The following GALNT13 variants were observed in gnomAD, a reference collection of about 807,000 sequenced individuals.
The protein encoded by GALNT13 is polypeptide N-acetylgalactosaminyltransferase 13.
GALNT13 carries 28 observed loss-of-function variants against 64.2 expected under a neutral mutation model. The observed-to-expected ratio is 0.44, with a 90% CI of 0.32 to 0.60. The LOEUF (loss-of-function observed/expected upper bound fraction) is 0.60, where lower values mean the gene tolerates loss of function less well. Among genes scored for constraint, GALNT13 ranks in the 20% least tolerant of loss-of-function variants. The probability of loss-of-function intolerance (pLI) is 0.05; values close to 1 mark genes in which losing one functional copy is unlikely to be tolerated. For synonymous variants in GALNT13, 214 were observed against 224.6 expected, an observed-to-expected ratio of 0.95 and a Z score of 0.42; for missense variants, 577 against 669.8, an observed-to-expected ratio of 0.86 and a Z score of 1.53.
intron 11 of GALNT13, among the ~76,000 whole-genome samples, chr2:154,428,411 A>G (rs1700561933): frequency 6.6e-6 from 1 of 152,238 alleles, no homozygotes; most frequent in Non-Finnish European, 1.5e-5. Context: ...GTATTTTATA[A>G]TTTAAATGTA....
At chr2:153,553,388 G>C in the GALNT13 span, among the ~76,000 whole-genome samples, 1,798 of 152,182 alleles carry the variant, frequency 0.012, 44 homozygotes, top group African/African-American at 0.041. Context: ...TGTAGTCCCA[G>C]CTACTCAGGA....
chr2:153,853,769 TATA>T, the GALNT13 span, among the ~76,000 whole-genome samples: 2 of 150,268 alleles, frequency 1.3e-5, no homozygotes, highest in Admixed American at 6.7e-5. Flanking sequence ...ATTATATAAA[TATA>T]ATATACACTG....
chr2:153,201,973 C>CTTTTTT, the GALNT13 span, among the ~76,000 whole-genome samples: 83 of 108,870 alleles, frequency 7.6e-4, no homozygotes, highest in Non-Finnish European at 1.1e-3. Flanking sequence ...CCACCCATTT[C>CTTTTTT]TTTTTTTTTT....
chr2:153,769,867 T>C, the GALNT13 span, among the ~76,000 whole-genome samples: 3 of 152,238 alleles, frequency 2.0e-5, no homozygotes, highest in Non-Finnish European at 4.4e-5. Context: ...TATTGTTAAA[T>C]ATTTCAATTG....
At chr2:153,512,653 G>A in the GALNT13 span, among the ~76,000 whole-genome samples, 1 of 152,042 alleles carries the variant, frequency 6.6e-6, no homozygotes, top group African/African-American at 2.4e-5. Context: ...GAGTTAATAC[G>A]TGTTAAAACA....
the GALNT13 span, among the ~76,000 whole-genome samples, chr2:153,776,451 A>G: frequency 9.8e-5 from 15 of 152,326 alleles, no homozygotes; most frequent in South Asian, 2.9e-3. Flanking sequence ...TATCCTTCCC[A>G]TAGCACCCTA....
chr2:154,116,259 A>G (rs1320915223), intron 3 of GALNT13, among the ~76,000 whole-genome samples: 1 of 152,182 alleles, frequency 6.6e-6, no homozygotes, highest in East Asian at 1.9e-4. Flanking sequence ...GTCCTCCCAC[A>G]CATCCTCATT....
chr2:153,840,952 A>G, the GALNT13 span, among the ~76,000 whole-genome samples: 1 of 150,458 alleles, frequency 6.6e-6, no homozygotes, highest in Non-Finnish European at 1.5e-5. Flanking sequence ...TGGGTATGTA[A>G]CCTTCGAATA....
chr2:154,338,232 C>A (rs1393700727), intron 9 of GALNT13, among the ~76,000 whole-genome samples: 2 of 152,068 alleles, frequency 1.3e-5, no homozygotes, highest in African/African-American at 4.8e-5. Context: ...TTAATTCCTG[C>A]AATATTGGTT....
intron 11 of GALNT13, among the ~76,000 whole-genome samples, chr2:154,415,480 G>A (rs1312432074): frequency 3.3e-5 from 5 of 151,924 alleles, no homozygotes; most frequent in East Asian, 1.9e-4. Flanking sequence ...AATTTATTGC[G>A]GTAAATGATT....
At chr2:153,831,561 C>CACACTGACTTCCACAATGGTTGAACTAGT in the GALNT13 span, among the ~76,000 whole-genome samples, 2 of 152,142 alleles carry the variant, frequency 1.3e-5, no homozygotes, top group African/African-American at 4.8e-5. Context: ...CTCATCACGC[C>CACACTGACTTCCACAATGGTTGAACTAGT]TCAGCACCCA....
the GALNT13 span, among the ~76,000 whole-genome samples, chr2:153,289,119 T>C: frequency 1.3e-5 from 2 of 152,226 alleles, no homozygotes; most frequent in Admixed American, 6.5e-5. Context: ...ATTAAAAATC[T>C]AGTTAAACAT....
the GALNT13 span, among the ~76,000 whole-genome samples, chr2:153,348,166 G>A: frequency 2.0e-5 from 3 of 152,138 alleles, no homozygotes; most frequent in Non-Finnish European, 4.4e-5. Context: ...TCCCTATTAT[G>A]CCTGTGTTCA....
At chr2:154,200,195 T>C (rs1307927407) in intron 4 of GALNT13, among the ~76,000 whole-genome samples, 2 of 152,066 alleles carry the variant, frequency 1.3e-5, no homozygotes, top group Non-Finnish European at 2.9e-5. Flanking sequence ...TGTCTTTGCA[T>C]ATTCAAGTCA....
intron 9 of GALNT13, among the ~76,000 whole-genome samples, chr2:154,364,642 G>GTTGTT (rs10618298): frequency 0.056 from 8,308 of 149,660 alleles, 342 homozygotes; most frequent in Non-Finnish European, 0.082. Context: ...CTTCACTTTT[G>GTTGTT]TTGTTTTGTT....
the GALNT13 span, among the ~76,000 whole-genome samples, chr2:153,235,897 T>G: frequency 6.6e-6 from 1 of 152,146 alleles, no homozygotes; most frequent in Non-Finnish European, 1.5e-5. Flanking sequence ...TGTTCAAAGC[T>G]GAGATAGACT....
the GALNT13 span, among the ~76,000 whole-genome samples, chr2:153,758,949 C>T: frequency 1.3e-5 from 2 of 152,174 alleles, no homozygotes; most frequent in African/African-American, 4.8e-5. Flanking sequence ...AATATCTTTA[C>T]ATTTACTTGT....
In GALNT13 at chr2:154,140,477, A is replaced by G; in HGVS notation, c.283A>G (p.Arg95Gly). 6.2e-7 allele frequency: 1 copy of G among 1,611,472 alleles called. No individual in the cohort carries two copies. The highest frequency in any genetic ancestry group is 8.5e-7 in the Non-Finnish European group (1 of 1,178,272). Residue 95 changes from arginine to glycine, a missense_variant, in exon 4 of 13, where the codon AGA becomes GGA. By Grantham distance (125) the Arg-to-Gly change is moderately radical (BLOSUM62 -2). Around this residue, in one of 3 missense-constraint regions of GALNT13, gnomAD observed 341 missense variants for 379.3 expected, o/e 0.90. Transcript: ENST00000392825. ...LMASDLIALN[R>G]SLPDVRLEGC... ...GGCCAGTGATTTGATTGCCCTTAAT[A>G]GAAGTCTGCCAGATGTAAGATTAGA...
At chr2:153,070,554 T>C in the GALNT13 span, among the ~76,000 whole-genome samples, 1 of 152,236 alleles carries the variant, frequency 6.6e-6, no homozygotes, top group Non-Finnish European at 1.5e-5. Context: ...GAAATTGTTT[T>C]TGGAGGAGGA....
Sources: allele counts gnomAD v4.1 joint callset (sites outside exome capture counted in the v4.1 genomes callset), GRCh38; gene constraint gnomAD v4.1.1; regional missense constraint gnomAD v4.1.1; transcripts MANE v1.5; gene names NCBI Gene and HGNC (gene_info 2026-07-23, HGNC 2026-07-21).